The following DPH7 variants were observed in gnomAD, a reference collection of about 807,000 sequenced individuals.
DPH7 encodes diphthine methyltransferase.
A neutral mutation model predicts 41.7 loss-of-function variants in DPH7; 44 were observed. That is an observed-to-expected ratio of 1.05 (90% CI 0.83 to 1.36). The LOEUF (loss-of-function observed/expected upper bound fraction) is 1.36, where lower values mean the gene tolerates loss of function less well. Among genes scored for constraint, DPH7 ranks in the 40% most tolerant of loss-of-function variants. The pLI, the probability that DPH7 is intolerant of heterozygous loss-of-function variation, is 0.00. For synonymous variants in DPH7, 275 were observed against 238.0 expected, an observed-to-expected ratio of 1.16 and a Z score of -1.43; for missense variants, 629 against 577.5, an observed-to-expected ratio of 1.09 and a Z score of -0.91.
intron 4 of DPH7, 98 bp from the exon 5 acceptor site, chr9:137,574,478 G>A: frequency 7.5e-7 from 1 of 1,326,200 alleles, no homozygotes; most frequent in Non-Finnish European, 1.0e-6. Flanking sequence ...CCACAGCCCT[G>A]GGATGCGGAT....
intron 2 of DPH7, 89 bp from the exon 3 acceptor site, chr9:137,576,256 T>A: frequency 8.4e-7 from 1 of 1,195,466 alleles, no homozygotes; most frequent in Non-Finnish European, 1.2e-6. Context: ...ACGCTTCCCT[T>A]AACAACGGGG....
In DPH7 at chr9:137,555,438, T is replaced by A; in HGVS notation, c.1160A>T (p.Glu387Val). 1.9e-6 allele frequency: 3 copies of A among 1,614,066 alleles called. No homozygotes were observed. The highest frequency in any genetic ancestry group is 2.5e-6 in the Non-Finnish European group (3 of 1,179,964). The change falls in exon 9 of 9, where the codon GAG (glutamate) becomes GTG (valine). Residue 387 changes from glutamate (E) to valine (V), a missense_variant. Physicochemically the swap from Glu to Val is moderately radical, Grantham distance 121 (BLOSUM62 -2). Coordinates refer to ENST00000277540, the MANE Select transcript of DPH7 (RefSeq NM_138778.5). ...TCCACTCTGGGGTCTGGCATGGCCCTCCCCATCGTTATCCTCTCTGCATTC... is the reference window on the plus strand; with the variant it reads ...TCCACTCTGGGGTCTGGCATGGCCCACCCCATCGTTATCCTCTCTGCATTC... ...CHECREDNDG[E>V]GHARPQSGMK...
chr9:137,555,312 G>T lies in DPH7; in HGVS notation c.1286C>A (p.Ser429Ter). ...DCGVNPEEAD[S>*]AFSLLATCSF... ...GCAGGTGGCCAGGAGGCTGAAGGCT[G>T]AGTCTGCTTCTTCTGGGTTCACGCC... is the stretch of plus-strand genomic sequence containing the variant. Residue 429 changes from serine to a stop codon, truncating the protein, a stop_gained, in exon 9 of 9, where the codon TCA becomes TAA. Transcript: ENST00000277540. LOFTEE classifies it low-confidence loss of function (END_TRUNC). 1 of 1,614,174 alleles carries T rather than the reference G, an allele frequency of 6.2e-7. No individual in the cohort carries two copies. The highest frequency in any genetic ancestry group is 1.7e-5 in the Admixed American group (1 of 60,030).
chr9:137,564,297 G>A (rs992061912), intron 8 of DPH7, 137 bp downstream of exon 8: 16 of 1,101,740 alleles, frequency 1.5e-5, no homozygotes, highest in African/African-American at 6.3e-5. Flanking sequence ...AGGGCGCGAC[G>A]CTGGGAGTGT....
At chr9:137,564,782 T>C in intron 7 of DPH7, 111 bp downstream of exon 7, 1 of 1,438,686 alleles carries the variant, frequency 7.0e-7, no homozygotes, top group East Asian at 2.4e-5. Context: ...GCAGACGAAA[T>C]GCTGCAATGG....
At chr9:137,575,709 G>A (rs954865634) in intron 3 of DPH7, 6 of 1,057,716 alleles carry the variant, frequency 5.7e-6, no homozygotes, top group African/African-American at 3.3e-5. Flanking sequence ...CAGGACTCAC[G>A]TGCTTTTCCA....
chr9:137,564,406 G>T, intron 8 of DPH7, 28 bp downstream of exon 8: 1 of 1,598,124 alleles, frequency 6.3e-7, no homozygotes, highest in South Asian at 1.1e-5. Context: ...CCTGCCCTGA[G>T]GCCCAGCAGC....
intron 8 of DPH7, among the ~76,000 whole-genome samples, chr9:137,561,502 C>T (rs1256560813): frequency 2.9e-5 from 4 of 136,862 alleles, no homozygotes; most frequent in African/African-American, 1.2e-4. Context: ...AAGATAGCGC[C>T]ACTGCATTCC....
Position 137,576,181 on chromosome 9 carries a change from C to T in DPH7, c.288-14G>A, listed in dbSNP as rs1449542521. 1 of 1,611,666 alleles carries T rather than the reference C, an allele frequency of 6.2e-7. No individual in the cohort carries two copies. The highest frequency in any genetic ancestry group is 8.5e-7 in the Non-Finnish European group (1 of 1,178,384). On this transcript the variant is annotated splice_polypyrimidine_tract_variant and intron_variant, in intron 2 of 8. Coordinates refer to ENST00000277540, the MANE Select transcript of DPH7 (RefSeq NM_138778.5). The stretch of plus-strand genomic sequence containing the variant: ...GGGATGTGACACCTGAGGAGAGGGC[C>T]CACCATAAGCACACCAATGTGCCCG...
intron 8 of DPH7, among the ~76,000 whole-genome samples, chr9:137,558,639 A>G (rs937841722): frequency 1.3e-5 from 2 of 152,232 alleles, no homozygotes; most frequent in African/African-American, 4.8e-5. Flanking sequence ...GACAGAGTAA[A>G]CGGAGGTTAT....
chr9:137,576,525 G>C (rs1029253772), intron 2 of DPH7: 1 of 227,210 alleles, frequency 4.4e-6, no homozygotes, highest in African/African-American at 2.2e-5. Context: ...ATGACTTGAG[G>C]TAAGGAGTTC....
At position 137,556,322 on chromosome 9, in the gene DPH7, G is replaced by A. The variant is rs1837497393; in HGVS notation, c.950-674C>T. The stretch of plus-strand genomic sequence containing the variant: ...CCCGAGGCGATCTGGAGTCCAGGAG[G>A]CAAGGCCAGGGCTGGCAGGGGCAGT... On this transcript the variant is annotated intron_variant, in intron 8 of 8. Transcript: ENST00000277540. The surrounding 1 kb of genome is among the most constrained non-coding windows in gnomAD (Gnocchi z 5.2). Among the ~76,000 whole-genome samples, 1 of 152,232 alleles carries A rather than the reference G, an allele frequency of 6.6e-6. No individual in the cohort carries two copies. Among genetic ancestry groups the A allele is most frequent in the Non-Finnish European group, 1.5e-5 (1 of 68,038 alleles).
intron 8 of DPH7, 99 bp downstream of exon 8, chr9:137,564,335 A>G (rs925029379): frequency 1.4e-6 from 2 of 1,416,550 alleles, no homozygotes; most frequent in African/African-American, 2.9e-5. Context: ...AGCCCAGCAG[A>G]GCAAGGGAGC....
At chr9:137,574,884 C>T (rs1210264605) in intron 3 of DPH7, 41 bp from the exon 4 acceptor site, 1 of 1,609,432 alleles carries the variant, frequency 6.2e-7, no homozygotes, top group Admixed American at 1.7e-5. Context: ...GAAGTAGCCG[C>T]CCCAGAACCC....
intron 8 of DPH7, among the ~76,000 whole-genome samples, chr9:137,557,706 C>G (rs1837761806): frequency 6.6e-6 from 1 of 151,916 alleles, no homozygotes; most frequent in Non-Finnish European, 1.5e-5. Context: ...GTAGTCCCAG[C>G]TACACAGGAG....
intron 2 of DPH7, 142 bp from the exon 3 acceptor site, chr9:137,576,309 C>A: frequency 1.5e-6 from 1 of 673,522 alleles, no homozygotes; most frequent in East Asian, 2.7e-5. Flanking sequence ...TACTACACAC[C>A]TTGATTATAT....
intron 8 of DPH7, among the ~76,000 whole-genome samples, chr9:137,563,137 A>C (rs821320): frequency 0.98 from 148,151 of 150,900 alleles, 72,719 homozygotes; most frequent in African/African-American, 0.99. Context: ...AGAGCAAGAC[A>C]CCATCTCAAA....
chr9:137,576,762 C>A (rs1044838271), intron 2 of DPH7, among the ~76,000 whole-genome samples: 1 of 152,098 alleles, frequency 6.6e-6, no homozygotes. Context: ...TGGTGGCGGG[C>A]GCCTGTAGAC....
At chr9:137,571,033 C>G (rs1840338322) in intron 5 of DPH7, among the ~76,000 whole-genome samples, 1 of 152,132 alleles carries the variant, frequency 6.6e-6, no homozygotes, top group Non-Finnish European at 1.5e-5. Context: ...TAACTCACAC[C>G]TGTAGTCCCA....
Sources: gnomAD v4.1 joint callset for allele counts (sites outside exome capture counted in the v4.1 genomes callset) on GRCh38, gnomAD v4.1.1 for gene constraint, Gnocchi (gnomAD v3.1) non-coding constraint, MANE v1.5 for transcripts, NCBI Gene and HGNC (gene_info 2026-07-23, HGNC 2026-07-21) for gene names.